The following OSBPL1A variants were observed in gnomAD, a reference collection of about 807,000 sequenced individuals.
OSBPL1A encodes oxysterol-binding protein-related protein 1.
OSBPL1A carries 80 observed loss-of-function variants against 137.1 expected under a neutral mutation model. The observed-to-expected ratio is 0.58, with a 90% CI of 0.49 to 0.70. The LOEUF (loss-of-function observed/expected upper bound fraction) is 0.70. Among genes scored for constraint, OSBPL1A ranks in the 30% least tolerant of loss-of-function variants. OSBPL1A has a pLI of 0.00. For synonymous variants in OSBPL1A, 365 were observed against 389.7 expected, an observed-to-expected ratio of 0.94 and a Z score of 0.75; for missense variants, 970 against 1,129.4, an observed-to-expected ratio of 0.86 and a Z score of 2.02.
At chr18:24,203,393 CT>C (rs1313645541) in intron 17 of OSBPL1A, among the ~76,000 whole-genome samples, 1 of 152,222 alleles carries the variant, frequency 6.6e-6, no homozygotes, top group Non-Finnish European at 1.5e-5. Flanking sequence ...TCCACACCCC[CT>C]CTTCACACAA....
rs2090924378 is a variant in OSBPL1A at position 24,324,224 on chromosome 18, A to G, written c.626-5415T>C. Among the ~76,000 whole-genome samples, 2 of 66,686 alleles carry G rather than the reference A, an allele frequency of 3.0e-5. 1 individual carries two copies. The highest frequency in any genetic ancestry group is 2.4e-4 in the Admixed American group (2 of 8,386). 43.7% of individuals were successfully genotyped at this position (66,686 alleles called of 152,430 possible). ...GTGACAGAGTGAGACTCCGTCTCAA[A>G]AAAAAAAAAGCTTCACCCTGCCTTT... is the stretch of plus-strand genomic sequence containing the variant. On this transcript the variant is annotated intron_variant, in intron 7 of 27. Coordinates refer to ENST00000319481, the MANE Select transcript of OSBPL1A (RefSeq NM_080597.4).
rs2090751592 is a variant in OSBPL1A, at chr18:24,317,155, T to C, written c.864A>G (p.Val288=). 6.2e-7 allele frequency: 1 copy of C among 1,613,988 alleles called. No homozygotes were observed. Among genetic ancestry groups the C allele is most frequent in the African/African-American group, 1.3e-5 (1 of 75,028 alleles). The part of the protein sequence containing the change: ...RQGCKHLTQA[V]CTVKSTDSCL... Reference sequence around the variant, plus strand: ...GATCCATGTTTCATCCTACCGTGCATACTGCTTGAGTCAGGTGTTTGCATC... The same window carrying C: ...GATCCATGTTTCATCCTACCGTGCACACTGCTTGAGTCAGGTGTTTGCATC... Residue 288 remains valine, a synonymous_variant, in exon 11 of 28, where the codon GTA becomes GTG. Coordinates refer to ENST00000319481, the MANE Select transcript of OSBPL1A (RefSeq NM_080597.4).
At chr18:24,200,886 AT>A (rs1180703014) in intron 17 of OSBPL1A, among the ~76,000 whole-genome samples, 29 of 152,236 alleles carry the variant, frequency 1.9e-4, no homozygotes, top group Non-Finnish European at 4.0e-4. Context: ...GTTAAAAAAA[AT>A]AATTTGTGTT....
chr18:24,221,059 G>A (rs909155233), intron 17 of OSBPL1A, among the ~76,000 whole-genome samples: 1 of 152,152 alleles, frequency 6.6e-6, no homozygotes, highest in African/African-American at 2.4e-5. Flanking sequence ...AGTATTACAA[G>A]CATGAGCCAC....
At chr18:24,189,161 T>C (rs1157651527) in intron 18 of OSBPL1A, among the ~76,000 whole-genome samples, 1 of 152,228 alleles carries the variant, frequency 6.6e-6, no homozygotes, top group Non-Finnish European at 1.5e-5. Flanking sequence ...CAACTGCTCA[T>C]TGGCTGACAA....
At chr18:24,228,721 G>A (rs2088175581) in intron 16 of OSBPL1A, among the ~76,000 whole-genome samples, 2 of 152,094 alleles carry the variant, frequency 1.3e-5, no homozygotes. Flanking sequence ...ATTGAGCTGC[G>A]TTCGCTGACA....
chr18:24,313,797 G>A (rs774988855), intron 12 of OSBPL1A, among the ~76,000 whole-genome samples: 3 of 152,088 alleles, frequency 2.0e-5, no homozygotes, highest in Admixed American at 6.5e-5. Context: ...AATTTTAAAG[G>A]CTTCATTTAA....
chr18:24,393,026 G>A lies in OSBPL1A; in HGVS notation c.-3+4629C>T, dbSNP rs62088042. ...GCTTAATGGTGTGTTTTCTCCTGACGTTATATTCTTTTAATACCAGCAAGG... is the reference window on the plus strand; with the variant it reads ...GCTTAATGGTGTGTTTTCTCCTGACATTATATTCTTTTAATACCAGCAAGG... On this transcript the variant is annotated intron_variant, in intron 1 of 27. Coordinates refer to ENST00000319481, the MANE Select transcript of OSBPL1A (RefSeq NM_080597.4). Among the ~76,000 whole-genome samples, 198 of 152,138 alleles carry A rather than the reference G, an allele frequency of 1.3e-3. 1 individual carries two copies. Among genetic ancestry groups the A allele is most frequent in the Non-Finnish European group, 2.3e-3 (156 of 67,988 alleles).
chr18:24,386,624 A>T (rs1420987094), intron 1 of OSBPL1A, among the ~76,000 whole-genome samples: 2 of 152,108 alleles, frequency 1.3e-5, no homozygotes, highest in Non-Finnish European at 2.9e-5. Flanking sequence ...TGGGGAGGAG[A>T]CTGGCACCTT....
intron 7 of OSBPL1A, among the ~76,000 whole-genome samples, chr18:24,324,751 T>C (rs2090938372): frequency 7.2e-6 from 1 of 139,694 alleles, no homozygotes; most frequent in African/African-American, 2.7e-5. Flanking sequence ...ACCACTGCAC[T>C]CCATCCTGGG....
intron 1 of OSBPL1A, among the ~76,000 whole-genome samples, chr18:24,397,319 A>T (rs927760804): frequency 2.0e-5 from 3 of 152,248 alleles, no homozygotes; most frequent in South Asian, 2.1e-4. Flanking sequence ...ACACGAAAGT[A>T]CCGAGAAGGC....
chr18:24,384,605 C>T (rs1232158938), intron 1 of OSBPL1A, among the ~76,000 whole-genome samples: 2 of 151,846 alleles, frequency 1.3e-5, no homozygotes, highest in Non-Finnish European at 2.9e-5. Flanking sequence ...GCGGGTGGCT[C>T]ATGCCTGTCA....
chr18:24,368,424 C>A (rs768723573), intron 2 of OSBPL1A, 52 bp from the exon 3 acceptor site: 2 of 1,363,470 alleles, frequency 1.5e-6, no homozygotes, highest in Non-Finnish European at 2.1e-6. Context: ...GGTAATTTTA[C>A]AACGAAATTA....
chr18:24,177,889 T>C (rs1262783360), intron 21 of OSBPL1A, 124 bp downstream of exon 21: 38 of 889,198 alleles, frequency 4.3e-5, no homozygotes, highest in Non-Finnish European at 6.0e-5. Flanking sequence ...CGTAGACAGT[T>C]TGCACTGTAT....
intron 18 of OSBPL1A, among the ~76,000 whole-genome samples, chr18:24,183,410 CAGAG>C (rs931541907): frequency 1.5e-4 from 23 of 151,848 alleles, no homozygotes; most frequent in African/African-American, 4.8e-4. Context: ...TATTCACACA[CAGAG>C]AGATTTTTCT....
rs1599723203 is a variant in OSBPL1A at position 24,368,525 on chromosome 18, G to T, written c.122-153C>A. 8 of 607,692 alleles carry T rather than the reference G, an allele frequency of 1.3e-5. No homozygotes were observed. In the East Asian group the frequency reaches 2.3e-4, roughly 17 times the overall value. The allele number at this position is 607,692 out of a possible 1,614,324, so 37.6% of individuals were successfully genotyped here. A position where few individuals can be genotyped will look rare whatever the true frequency, so the allele number is the denominator to read the frequency against. Reference sequence around the variant, plus strand: ...GATATGTGACCAAGAAGTGTAATGGGTGTAAAGGACGAGAACTCACAAGGT... The same window carrying T: ...GATATGTGACCAAGAAGTGTAATGGTTGTAAAGGACGAGAACTCACAAGGT... On this transcript the variant is annotated intron_variant, in intron 2 of 27. Coordinates refer to ENST00000319481, the MANE Select transcript of OSBPL1A (RefSeq NM_080597.4).
chr18:24,228,861 A>T (rs950126278), intron 16 of OSBPL1A, among the ~76,000 whole-genome samples: 6 of 152,196 alleles, frequency 3.9e-5, no homozygotes, highest in African/African-American at 1.2e-4. Flanking sequence ...ACGGGCAGAC[A>T]TGAGACTGTG....
intron 4 of OSBPL1A, among the ~76,000 whole-genome samples, chr18:24,354,298 C>A (rs2091495438): frequency 6.6e-6 from 1 of 152,136 alleles, no homozygotes; most frequent in African/African-American, 2.4e-5. Context: ...TCTACTCCTA[C>A]CCCAAGACTA....
At chr18:24,375,020 C>G (rs1905981062) in intron 2 of OSBPL1A, among the ~76,000 whole-genome samples, 1 of 151,936 alleles carries the variant, frequency 6.6e-6, no homozygotes, top group East Asian at 1.9e-4. Flanking sequence ...AAAAAGGCTA[C>G]TAAAAAAAGT....
Sources: gnomAD v4.1 joint callset for allele counts (sites outside exome capture counted in the v4.1 genomes callset) on GRCh38, gnomAD v4.1.1 for gene constraint, MANE v1.5 for transcripts, NCBI Gene and HGNC (gene_info 2026-07-23, HGNC 2026-07-21) for gene names.